Variants in FLNB observed in about 807,000 individuals in gnomAD.
FLNB encodes the protein filamin-B.
Under a neutral mutation model 250.6 loss-of-function variants are expected in FLNB, and 111 were observed. The observed-to-expected ratio is 0.44, with a 90% CI of 0.38 to 0.52. The LOEUF (loss-of-function observed/expected upper bound fraction) is 0.52, where lower values mean the gene tolerates loss of function less well. FLNB is among the 20% of genes least tolerant of loss of function. The pLI is 0.00. For missense variants in FLNB, 2,869 were observed against 3,447.8 expected (o/e 0.83, Z 4.20); for synonymous variants, 1,302 against 1,372.1 (o/e 0.95, Z 1.13).
chr3:58,086,671 A>G (rs980617122), intron 4 of FLNB, among the ~76,000 whole-genome samples: 1 of 152,236 alleles, frequency 6.6e-6, no homozygotes, highest in Non-Finnish European at 1.5e-5. Flanking sequence ...TCCAGAGTAT[A>G]GTAACAAATG....
chr3:58,106,316 T>C (rs888234885), intron 11 of FLNB, among the ~76,000 whole-genome samples: 2 of 149,626 alleles, frequency 1.3e-5, no homozygotes, highest in Admixed American at 6.7e-5. Context: ...ACTTCCCCTG[T>C]TGGATGATGA....
chr3:58,008,914 G>C, intron 1 of FLNB, 58 bp downstream of exon 1: 1 of 1,599,212 alleles, frequency 6.3e-7, no homozygotes, highest in South Asian at 1.1e-5. Context: ...CCCCGCGCGT[G>C]CACCCCTGCG....
rs1008981233 is a variant in FLNB at position 58,142,045 on chromosome 3, G to A, written c.5181+116G>A. On this transcript the variant is annotated intron_variant, in intron 30 of 45. Transcript: ENST00000295956. This position sits in a 1 kb window ranked among gnomAD's most constrained non-coding sequence, Gnocchi z 4.3. ...CCCTGTGGGTGTCCTGGTCATTGGT[G>A]TGCCCCTCACTGATCAGCCCATCAC... 2 of 849,210 alleles carry A rather than the reference G, an allele frequency of 2.4e-6. No individual in the cohort carries two copies. Among genetic ancestry groups the A allele is most frequent in the Non-Finnish European group, 2.0e-6 (1 of 495,834 alleles). 52.6% of individuals were successfully genotyped at this position (849,210 alleles called of 1,614,324 possible).
Position 58,134,112 on chromosome 3 carries a change from G to C in FLNB, c.4515-504G>C, listed in dbSNP as rs376395054. ...AACCCTTGGAGCGTGGACTGGTGTG[G>C]GTGCACGGCATGTTAGGAATTGGGC... On this transcript the variant is annotated intron_variant, in intron 26 of 45. Coordinates refer to ENST00000295956, the MANE Select transcript of FLNB (RefSeq NM_001457.4). 2.4e-4 allele frequency among the ~76,000 whole-genome samples: 37 copies of C among 152,280 alleles called. No individual in the cohort carries two copies. In the East Asian group the frequency reaches 6.8e-3, roughly 28 times the overall value.
intron 1 of FLNB, among the ~76,000 whole-genome samples, chr3:58,060,511 C>T (rs2106878947): frequency 6.6e-6 from 1 of 151,958 alleles, no homozygotes; most frequent in African/African-American, 2.4e-5. Flanking sequence ...TGCCATTGTG[C>T]CCAGCTAATT....
At position 58,056,073 on chromosome 3, in the gene FLNB, T is replaced by TTTTATTTA. The variant is rs1197071012; in HGVS notation, c.293-20945_293-20938dup. Among the ~76,000 whole-genome samples, 340 of 145,086 alleles carry TTTTATTTA rather than the reference T, an allele frequency of 2.3e-3. 1 individual carries two copies. Among genetic ancestry groups the TTTTATTTA allele is most frequent in the Middle Eastern group, 0.011 (3 of 280 alleles). On this transcript the variant is annotated intron_variant, in intron 1 of 45. Coordinates refer to ENST00000295956, the MANE Select transcript of FLNB (RefSeq NM_001457.4). ...AATGAAAAGAAATGCCATTAATAAA[T>TTTTATTTA]TTTATTTATTTATTTATTTATTTAT...
intron 1 of FLNB, among the ~76,000 whole-genome samples, chr3:58,017,841 G>A (rs1396106638): frequency 6.6e-6 from 1 of 152,182 alleles, no homozygotes; most frequent in Non-Finnish European, 1.5e-5. Context: ...TATAAGCAAA[G>A]AAGCAGTTTG....
chr3:58,063,248 G>A (rs2097180983), intron 1 of FLNB, among the ~76,000 whole-genome samples: 1 of 152,156 alleles, frequency 6.6e-6, no homozygotes, highest in African/African-American at 2.4e-5. Context: ...TTCAGCCAGC[G>A]ACCTGCCCTT....
Position 58,123,209 on chromosome 3 carries a change from C to T in FLNB, c.3243C>T (p.Cys1081=), listed in dbSNP as rs760725144. The change falls in exon 21 of 46, where the codon TGC becomes TGT. Residue 1081 remains cysteine (C), a synonymous_variant. Coordinates refer to ENST00000295956, the MANE Select transcript of FLNB (RefSeq NM_001457.4). The part of the protein sequence containing the change: ...GGLGLTVEGP[C]EAKIECSDNG... ...TGGGCTTAACGGTGGAAGGTCCGTG[C>T]GAGGCCAAAATCGAGTGCTCCGACA... 6 of 1,613,824 alleles carry T rather than the reference C, an allele frequency of 3.7e-6. No individual in the cohort carries two copies. Among genetic ancestry groups the T allele is most frequent in the East Asian group, 4.5e-5 (2 of 44,894 alleles).
Position 58,112,289 on chromosome 3 carries a change from C to T in FLNB, c.2716C>T (p.His906Tyr), listed in dbSNP as rs1290855363. Residue 906 changes from histidine to tyrosine, a missense_variant, in exon 18 of 46, where the codon CAC becomes TAC. His to Tyr is a moderately conservative substitution (Grantham distance 83, BLOSUM62 2). Around this residue, in one of 5 missense-constraint regions of FLNB, gnomAD observed 1,348 missense variants for 1,466.7 expected, o/e 0.92. Transcript: ENST00000295956. ...TATCATCGATAATTATGACTACTCT[C>T]ACACGGTTAAATATACACCCACCCA... ...LDIIDNYDYS[H>Y]TVKYTPTQQG... 6.2e-7 allele frequency: 1 copy of T among 1,613,736 alleles called. No homozygotes were observed. The highest frequency in any genetic ancestry group is 1.3e-5 in the African/African-American group (1 of 74,916).
chr3:58,143,392 A>G, intron 31 of FLNB, 81 bp from the exon 32 acceptor site: 13 of 1,493,410 alleles, frequency 8.7e-6, no homozygotes, highest in Non-Finnish European at 1.2e-5. Context: ...CTTTATTTTG[A>G]ATACATCTGT....
At chr3:58,110,304 C>A in intron 16 of FLNB, 134 bp downstream of exon 16, 1 of 947,008 alleles carries the variant, frequency 1.1e-6, no homozygotes. Context: ...ACTCTTTCAC[C>A]CAAGCTAGAG....
chr3:58,148,285 C>A lies in FLNB; in HGVS notation c.5808C>A (p.Ser1936Arg). The A allele has an allele frequency of 6.2e-7, 1 of 1,614,160 alleles. No individual in the cohort carries two copies. The highest frequency in any genetic ancestry group is 8.5e-7 in the Non-Finnish European group (1 of 1,180,030). Residue 1936 changes from serine to arginine, a missense_variant, in exon 35 of 46, where the codon AGC (serine) becomes AGA (arginine). Coordinates refer to ENST00000295956, the MANE Select transcript of FLNB (RefSeq NM_001457.4). Reference protein sequence around the residue: ...FLLDISETDLSSLTASIKAPS... With the variant: ...FLLDISETDLRSLTASIKAPS... Reference sequence around the variant, plus strand: ...TCGACATCAGTGAGACTGACCTCAGCAGCCTGACGGCCAGCATTAAGGCCC... The same window carrying A: ...TCGACATCAGTGAGACTGACCTCAGAAGCCTGACGGCCAGCATTAAGGCCC...
intron 1 of FLNB, among the ~76,000 whole-genome samples, chr3:58,040,015 G>C (rs547633647): frequency 5.6e-4 from 86 of 152,262 alleles, no homozygotes; most frequent in African/African-American, 2.0e-3. Context: ...TCTGATTGCA[G>C]GTGCCTCTAA....
At chr3:58,071,874 G>A (rs568949552) in intron 1 of FLNB, among the ~76,000 whole-genome samples, 1 of 152,098 alleles carries the variant, frequency 6.6e-6, no homozygotes, top group Non-Finnish European at 1.5e-5. Context: ...GAGGTAAAAG[G>A]CCACCATCTC....
At chr3:58,100,917 T>C (rs936461714) in intron 8 of FLNB, among the ~76,000 whole-genome samples, 1 of 152,000 alleles carries the variant, frequency 6.6e-6, no homozygotes, top group African/African-American at 2.4e-5. Context: ...CTTTTTTTTG[T>C]AGAGGTGGGG....
chr3:58,112,039 C>G, intron 17 of FLNB, 110 bp from the exon 18 acceptor site: 10 of 1,225,562 alleles, frequency 8.2e-6, no homozygotes, highest in Non-Finnish European at 1.2e-5. Flanking sequence ...TGGCCAGGCC[C>G]GTTGCTGGCT....
Position 58,153,486 on chromosome 3 carries a change from A to C in FLNB, c.6479A>C (p.Gln2160Pro). The change falls in exon 39 of 46, where the codon CAG becomes CCG. Residue 2160 changes from glutamine (Q) to proline (P), a missense_variant. By Grantham distance (76) the Gln-to-Pro change is moderately conservative (BLOSUM62 -1). This residue lies in a region of FLNB where 1,084 missense variants were observed against 1,315.5 expected (regional missense o/e 0.82). Transcript: ENST00000295956. ...KNSHCVRFVP[Q>P]EMGVHTVSVK... ...TCACACTGCGTCCGGTTTGTGCCCC[A>C]GGAGATGGGCGTGCACACGGTCAGC... 1 of 1,614,216 alleles carries C rather than the reference A, an allele frequency of 6.2e-7. No homozygotes were observed. Among genetic ancestry groups the C allele is most frequent in the Non-Finnish European group, 8.5e-7 (1 of 1,180,042 alleles).
At chr3:58,105,919 G>A (rs2107102468) in intron 11 of FLNB, among the ~76,000 whole-genome samples, 1 of 152,300 alleles carries the variant, frequency 6.6e-6, no homozygotes, top group East Asian at 1.9e-4. Flanking sequence ...CTAGAGAGAT[G>A]ATATGAATCG....
Sources: allele counts gnomAD v4.1 joint callset (sites outside exome capture counted in the v4.1 genomes callset), GRCh38; gene constraint gnomAD v4.1.1; regional missense constraint gnomAD v4.1.1; non-coding constraint Gnocchi (gnomAD v3.1); transcripts MANE v1.5; gene names NCBI Gene and HGNC (gene_info 2026-07-23, HGNC 2026-07-21).